Variants in EXOC4 observed in about 807,000 individuals in gnomAD.
EXOC4 encodes the protein SEC8-like 1.
In EXOC4, 71 loss-of-function variants were observed where a neutral mutation model predicts 107.2. That is an observed-to-expected ratio of 0.66 (90% CI 0.55 to 0.81). EXOC4 has a LOEUF of 0.81. Among genes scored for constraint, EXOC4 ranks in the 30% least tolerant of loss-of-function variants. The pLI, the probability that EXOC4 is intolerant of heterozygous loss-of-function variation, is 0.00. For synonymous variants in EXOC4, 456 were observed against 441.2 expected (o/e 1.03, Z -0.42); for missense variants, 1,108 against 1,189.6 (o/e 0.93, Z 1.01).
intron 3 of EXOC4, among the ~76,000 whole-genome samples, chr7:133,299,364 G>GAT (rs1794592830): frequency 1.3e-5 from 2 of 152,104 alleles, no homozygotes; most frequent in Non-Finnish European, 2.9e-5. Context: ...GGCTCAGGCT[G>GAT]ATAGGGTATG....
chr7:133,277,155 A>G (rs1021503186), intron 2 of EXOC4, among the ~76,000 whole-genome samples: 2 of 152,282 alleles, frequency 1.3e-5, no homozygotes, highest in Admixed American at 6.5e-5. Context: ...AAGGAATACT[A>G]TAATTCTTTG....
intron 7 of EXOC4, among the ~76,000 whole-genome samples, chr7:133,462,415 G>T (rs191422328): frequency 3.9e-5 from 6 of 152,152 alleles, no homozygotes; most frequent in Admixed American, 3.3e-4. Context: ...AGTTGTCATC[G>T]TAAGACCAAG....
chr7:133,749,856 C>G (rs562222632), intron 10 of EXOC4, among the ~76,000 whole-genome samples: 3 of 151,484 alleles, frequency 2.0e-5, no homozygotes, highest in South Asian at 4.2e-4. Flanking sequence ...TAAATTGCTT[C>G]TCCTTTTACA....
chr7:133,658,772 G>A (rs556204883), intron 10 of EXOC4, among the ~76,000 whole-genome samples: 2 of 152,234 alleles, frequency 1.3e-5, no homozygotes, highest in African/African-American at 2.4e-5. Flanking sequence ...GTAACAGAAA[G>A]GAATACTGTT....
At chr7:133,966,085 C>T (rs1801059382) in intron 14 of EXOC4, among the ~76,000 whole-genome samples, 1 of 152,128 alleles carries the variant, frequency 6.6e-6, no homozygotes, top group Non-Finnish European at 1.5e-5. Flanking sequence ...CTCTTTGCAG[C>T]AATTGTGAAT....
chr7:133,977,421 A>C (rs1793863999), intron 14 of EXOC4, among the ~76,000 whole-genome samples: 1 of 152,216 alleles, frequency 6.6e-6, no homozygotes, highest in African/African-American at 2.4e-5. Context: ...ATGTAGCAAA[A>C]ATAATGAAGA....
At chr7:133,492,703 C>G (rs1184586155) in intron 9 of EXOC4, among the ~76,000 whole-genome samples, 1 of 152,030 alleles carries the variant, frequency 6.6e-6, no homozygotes, top group Non-Finnish European at 1.5e-5. Flanking sequence ...ACTTTAGTCT[C>G]TTAAGAATAT....
intron 9 of EXOC4, among the ~76,000 whole-genome samples, chr7:133,516,100 A>G (rs577849018): frequency 7.2e-5 from 11 of 152,286 alleles, no homozygotes; most frequent in African/African-American, 2.4e-4. Flanking sequence ...TCTAAGGTGG[A>G]TAATATGACA....
chr7:133,453,910 G>T (rs554027621), intron 7 of EXOC4, among the ~76,000 whole-genome samples: 1 of 152,174 alleles, frequency 6.6e-6, no homozygotes, highest in African/African-American at 2.4e-5. Context: ...TCATGTCACT[G>T]GAATTAAGTC....
intron 5 of EXOC4, among the ~76,000 whole-genome samples, chr7:133,336,988 C>T (rs1412902341): frequency 2.6e-5 from 4 of 152,134 alleles, no homozygotes; most frequent in East Asian, 3.8e-4. Context: ...CCTCCTCAGC[C>T]TCCCAAAGTG....
intron 9 of EXOC4, among the ~76,000 whole-genome samples, chr7:133,579,712 G>T (rs111982546): frequency 4.1e-5 from 6 of 146,932 alleles, no homozygotes; most frequent in Non-Finnish European, 8.9e-5. Flanking sequence ...TCTTGAGATG[G>T]AGTCTCACTC....
At chr7:133,361,426 G>A (rs921751844) in intron 6 of EXOC4, among the ~76,000 whole-genome samples, 9 of 152,036 alleles carry the variant, frequency 5.9e-5, no homozygotes, top group African/African-American at 2.2e-4. Flanking sequence ...GACTACAGGT[G>A]CCTGCCACCA....
chr7:133,329,603 C>T (rs576990754), intron 5 of EXOC4, among the ~76,000 whole-genome samples: 2 of 152,298 alleles, frequency 1.3e-5, no homozygotes, highest in Admixed American at 6.5e-5. Context: ...CAGATGGGGT[C>T]TCTGAGTGGC....
intron 10 of EXOC4, among the ~76,000 whole-genome samples, chr7:133,744,632 T>G (rs750033495): frequency 6.6e-6 from 1 of 152,154 alleles, no homozygotes; most frequent in Non-Finnish European, 1.5e-5. Flanking sequence ...TGATGAGAAC[T>G]GTTGTTAATT....
At chr7:133,609,489 G>T (rs947414259) in intron 9 of EXOC4, among the ~76,000 whole-genome samples, 9 of 152,174 alleles carry the variant, frequency 5.9e-5, no homozygotes, top group African/African-American at 1.9e-4. Context: ...TCGATTGTGT[G>T]ATAAGCACAG....
chr7:133,875,851 C>T (rs902219147), intron 11 of EXOC4, among the ~76,000 whole-genome samples: 2 of 152,150 alleles, frequency 1.3e-5, no homozygotes, highest in East Asian at 3.8e-4. Context: ...CACCTGGCAT[C>T]ATGGACTACC....
the EXOC4 span, among the ~76,000 whole-genome samples, chr7:134,079,766 G>A: frequency 6.6e-6 from 1 of 152,224 alleles, no homozygotes; most frequent in Non-Finnish European, 1.5e-5. Context: ...TTGTGGGCAT[G>A]AGTTTGCACT....
chr7:134,019,485 G>C (rs1176233483), intron 17 of EXOC4, among the ~76,000 whole-genome samples: 1 of 151,900 alleles, frequency 6.6e-6, no homozygotes, highest in Admixed American at 6.6e-5. Context: ...TATAATTACT[G>C]TTATATAATG....
At chr7:133,502,644 A>G (rs1052761014) in intron 9 of EXOC4, among the ~76,000 whole-genome samples, 2 of 152,134 alleles carry the variant, frequency 1.3e-5, no homozygotes, top group African/African-American at 4.8e-5. Flanking sequence ...CTTATTGCTA[A>G]GTGGCCTTGT....
Sources: gnomAD v4.1 joint callset for allele counts (sites outside exome capture counted in the v4.1 genomes callset) on GRCh38, gnomAD v4.1.1 for gene constraint, MANE v1.5 for transcripts, NCBI Gene and HGNC (gene_info 2026-07-23, HGNC 2026-07-21) for gene names.